The following CACHD1 variants were observed in gnomAD, a reference collection of about 807,000 sequenced individuals.
CACHD1 encodes the protein cache domain containing 1.
Under a neutral mutation model 138.7 loss-of-function variants are expected in CACHD1, and 71 were observed. The ratio of observed to expected loss-of-function variants is 0.51; its 90% confidence interval spans 0.42 to 0.62. The LOEUF (loss-of-function observed/expected upper bound fraction) is 0.62, where lower values mean the gene tolerates loss of function less well. Among genes scored for constraint, CACHD1 ranks in the 20% least tolerant of loss-of-function variants. CACHD1 has a pLI of 0.00. For synonymous variants in CACHD1, 578 were observed against 591.5 expected (o/e 0.98, Z 0.33); for missense variants, 1,389 against 1,625.3 (o/e 0.85, Z 2.50).
At chr1:64,565,936 A>G (rs1646877527) in intron 2 of CACHD1, among the ~76,000 whole-genome samples, 1 of 152,196 alleles carries the variant, frequency 6.6e-6, no homozygotes, top group Non-Finnish European at 1.5e-5. Context: ...AATCAGCATT[A>G]CGTATTGAAT....
rs547707264 is a variant in CACHD1 at position 64,679,962 on chromosome 1, C to G, written c.3406+206C>G. On this transcript the variant is annotated intron_variant, in intron 24 of 26. Transcript: ENST00000651257. The stretch of plus-strand genomic sequence containing the variant: ...TGATCCCCGGAAAAATCCCTGGATC[C>G]TCTCCTTACCAGCATTAGCCCCCAG... Among the ~76,000 whole-genome samples, 4 of 152,348 alleles carry G rather than the reference C, an allele frequency of 2.6e-5. No individual in the cohort carries two copies. In the South Asian group the frequency reaches 8.3e-4, roughly 32 times the overall value.
chr1:64,618,858 C>T lies in CACHD1; in HGVS notation c.518-10497C>T, dbSNP rs148060008. Among the ~76,000 whole-genome samples the T allele has an allele frequency of 2.3e-3, 348 of 152,134 alleles. 3 individuals carry two copies. Among genetic ancestry groups the T allele is most frequent in the African/African-American group, 7.7e-3 (321 of 41,496 alleles). ...TCTTGTATTTTCTATTTGGCAAGCGCGGGAGGTGGACAGCTTGGTGTGTTT... is the reference window on the plus strand; with the variant it reads ...TCTTGTATTTTCTATTTGGCAAGCGTGGGAGGTGGACAGCTTGGTGTGTTT... On this transcript the variant is annotated intron_variant, in intron 4 of 26. Coordinates refer to ENST00000651257, the MANE Select transcript of CACHD1 (RefSeq NM_020925.4).
At chr1:64,556,267 T>G (rs1271188844) in intron 2 of CACHD1, among the ~76,000 whole-genome samples, 5 of 152,222 alleles carry the variant, frequency 3.3e-5, no homozygotes, top group Admixed American at 2.6e-4. Context: ...TTCTTAATAG[T>G]TATAAGAACA....
chr1:64,522,354 C>G (rs1450452060), intron 1 of CACHD1, among the ~76,000 whole-genome samples: 2 of 151,848 alleles, frequency 1.3e-5, no homozygotes, highest in East Asian at 3.9e-4. Context: ...GTCTCCCAGA[C>G]TAGAGTGCAG....
intron 1 of CACHD1, among the ~76,000 whole-genome samples, chr1:64,477,786 C>T (rs1646184454): frequency 6.6e-6 from 1 of 151,062 alleles, no homozygotes; most frequent in South Asian, 2.1e-4. Context: ...AGGCGCCTGC[C>T]ACCGCGCCCG....
intron 26 of CACHD1, among the ~76,000 whole-genome samples, chr1:64,688,559 C>T (rs1557559675): frequency 6.6e-6 from 1 of 152,100 alleles, no homozygotes; most frequent in Non-Finnish European, 1.5e-5. Context: ...CCACACACTG[C>T]GACTGCCCTA....
chr1:64,651,405 A>G (rs1649088701), intron 9 of CACHD1, among the ~76,000 whole-genome samples: 1 of 152,156 alleles, frequency 6.6e-6, no homozygotes, highest in Non-Finnish European at 1.5e-5. Context: ...GGGGTATAGT[A>G]ATAATACCTT....
At chr1:64,653,491 A>C (rs541950339) in intron 10 of CACHD1, among the ~76,000 whole-genome samples, 1 of 152,226 alleles carries the variant, frequency 6.6e-6, no homozygotes, top group East Asian at 1.9e-4. Context: ...GGTAGATTAG[A>C]ATGTTTTATA....
At chr1:64,681,555 T>TTTTTTTG (rs1650190641) in intron 25 of CACHD1, among the ~76,000 whole-genome samples, 1 of 138,678 alleles carries the variant, frequency 7.2e-6, no homozygotes, top group Non-Finnish European at 1.6e-5. Context: ...TTTTTTTTTT[T>TTTTTTTG]TTTTTTTTTG....
At chr1:64,608,627 C>T (rs1647415971) in intron 4 of CACHD1, among the ~76,000 whole-genome samples, 1 of 152,244 alleles carries the variant, frequency 6.6e-6, no homozygotes, top group Non-Finnish European at 1.5e-5. Flanking sequence ...AGCCAGATCC[C>T]TACTTTCTAA....
chr1:64,692,702 C>G lies in CACHD1; in HGVS notation c.*1141C>G, dbSNP rs967140547. ...AGCCAAGACATTATCCACCAAATTG[C>G]TTTGTGATTTATACAGGGATTAATC... On this transcript the variant is annotated 3_prime_UTR_variant, in exon 27 of 27. Coordinates refer to ENST00000651257, the MANE Select transcript of CACHD1 (RefSeq NM_020925.4). 2.0e-5 allele frequency: 3 copies of G among 152,208 alleles called. No individual in the cohort carries two copies. Among genetic ancestry groups the G allele is most frequent in the African/African-American group, 7.2e-5 (3 of 41,552 alleles). 9.4% of individuals were successfully genotyped at this position (152,208 alleles called of 1,614,324 possible).
chr1:64,639,672 T>C (rs1648640614), intron 7 of CACHD1, among the ~76,000 whole-genome samples: 1 of 152,254 alleles, frequency 6.6e-6, no homozygotes, highest in South Asian at 2.1e-4. Context: ...TAAAGAATAC[T>C]TAAATCTAAA....
At chr1:64,632,538 G>A (rs1450004329) in intron 5 of CACHD1, 61 bp from the exon 6 acceptor site, 1 of 1,579,852 alleles carries the variant, frequency 6.3e-7, no homozygotes, top group African/African-American at 1.3e-5. Context: ...TCACAGCTGT[G>A]TTAAGTTGAG....
At chr1:64,685,615 C>T (rs1650342843) in intron 26 of CACHD1, among the ~76,000 whole-genome samples, 1 of 151,868 alleles carries the variant, frequency 6.6e-6, no homozygotes, top group African/African-American at 2.4e-5. Flanking sequence ...TTTCCTAACA[C>T]TTAAGGTAGG....
At chr1:64,490,261 T>A (rs75251883) in intron 1 of CACHD1, among the ~76,000 whole-genome samples, 3,134 of 152,308 alleles carry the variant, frequency 0.021, 112 homozygotes, top group African/African-American at 0.07. Context: ...GGGCATGGTT[T>A]CCTCTTGAAA....
intron 1 of CACHD1, among the ~76,000 whole-genome samples, chr1:64,497,218 G>T (rs756799777): frequency 1.5e-4 from 23 of 152,128 alleles, no homozygotes; most frequent in Non-Finnish European, 3.1e-4. Context: ...GATGCTACAG[G>T]GCTTTGATTT....
At chr1:64,623,235 C>G (rs1017642144) in intron 4 of CACHD1, among the ~76,000 whole-genome samples, 6 of 152,004 alleles carry the variant, frequency 3.9e-5, no homozygotes, top group African/African-American at 1.5e-4. Flanking sequence ...AACCCCGTCT[C>G]TACTACTAAT....
intron 12 of CACHD1, among the ~76,000 whole-genome samples, chr1:64,655,676 A>C (rs1271737978): frequency 6.6e-6 from 1 of 152,194 alleles, no homozygotes; most frequent in African/African-American, 2.4e-5. Context: ...TCATAGAGAA[A>C]GCGTATCTAA....
Position 64,570,600 on chromosome 1 carries a change from G to T in CACHD1, c.262-11556G>T, listed in dbSNP as rs545166986. 2.6e-5 allele frequency among the ~76,000 whole-genome samples: 4 copies of T among 152,122 alleles called. No homozygotes were observed. In the South Asian group the frequency reaches 8.3e-4, roughly 32 times the overall value. On this transcript the variant is annotated intron_variant, in intron 2 of 26. Coordinates refer to ENST00000651257, the MANE Select transcript of CACHD1 (RefSeq NM_020925.4). ...AGTTCTTCTGTTTGCAGTTCGCCCT[G>T]TCATCAGATAGGGGATGAGAAGACC...
Sources: gnomAD v4.1 joint callset for allele counts (sites outside exome capture counted in the v4.1 genomes callset) on GRCh38, gnomAD v4.1.1 for gene constraint, MANE v1.5 for transcripts, NCBI Gene and HGNC (gene_info 2026-07-23, HGNC 2026-07-21) for gene names.